Variants in NPM1 observed in about 807,000 individuals in gnomAD.
NPM1 encodes the protein nucleophosmin.
A neutral mutation model predicts 44.1 loss-of-function variants in NPM1; 1 was observed. The ratio of observed to expected loss-of-function variants is 0.02; its 90% CI spans 0.01 to 0.11. The LOEUF is 0.11. NPM1 is among the 10% of genes least tolerant of loss of function. NPM1 has a pLI of 1.00. For missense variants in NPM1, 197 were observed against 347.8 expected (o/e 0.57, Z 3.45); for synonymous variants, 126 against 111.8 (o/e 1.13, Z -0.80).
In NPM1 at chr5:171,390,126, G is replaced by A. The variant is rs1770495635; in HGVS notation, c.134G>A (p.Arg45Lys). ...NDENEHQLSL[R>K]TVSLGAGAKD... ...GAAAATGAGCACCAGTTATCTTTAA[G>A]AACGGTACTTAAACTTTCAAAATAA... Residue 45 changes from arginine (R) to lysine (K), a missense_variant, in exon 2 of 11, where the codon AGA becomes AAA. Physicochemically the swap from Arg to Lys is conservative, Grantham distance 26. This residue lies in a region of NPM1 where 43 missense variants were observed against 109.6 expected (regional missense o/e 0.39). Coordinates refer to ENST00000296930, the MANE Select transcript of NPM1 (RefSeq NM_002520.7). 8 of 1,530,356 alleles carry A rather than the reference G, an allele frequency of 5.2e-6. No individual in the cohort carries two copies. Among genetic ancestry groups the A allele is most frequent in the Non-Finnish European group, 7.1e-6 (8 of 1,128,984 alleles). 94.8% of individuals were successfully genotyped at this position (1,530,356 alleles called of 1,614,324 possible).
chr5:171,392,881 T>TTA (rs1770655350), intron 5 of NPM1, 33 bp from the exon 6 acceptor site: 3 of 1,612,910 alleles, frequency 1.9e-6, no homozygotes. Context: ...AGAACAGCTC[T>TTA]TGTTCATGAG....
At position 171,387,855 on chromosome 5, in the gene NPM1, C is replaced by G. The variant is rs377340416; in HGVS notation, c.-94C>G. 5.7e-5 allele frequency: 68 copies of G among 1,190,830 alleles called. 1 individual carries two copies. The highest frequency in any genetic ancestry group is 4.9e-4 in the East Asian group (21 of 42,532). The allele number at this position is 1,190,830 out of a possible 1,614,324, so 73.8% of individuals were successfully genotyped here. A position where few individuals can be genotyped will look rare whatever the true frequency, so the allele number is the denominator to read the frequency against. ...AGCGCGGGGAGCCTGCGTCCTTTCC[C>G]TGGTGTGATTCCGTCCTGCGCGGTT... is the stretch of plus-strand genomic sequence containing the variant. On this transcript the variant is annotated 5_prime_UTR_variant, in exon 1 of 11. Coordinates refer to ENST00000296930, the MANE Select transcript of NPM1 (RefSeq NM_002520.7).
intron 7 of NPM1, 97 bp downstream of exon 7, chr5:171,400,307 T>TGGGAGATCATGTCATACTGA: frequency 8.1e-7 from 1 of 1,234,268 alleles, no homozygotes; most frequent in South Asian, 1.3e-5. Context: ...GAAGCTGGTG[T>TGGGAGATCATGTCATACTGA]GGGAGATCAT....
At chr5:171,401,630 G>A (rs1472455899) in intron 8 of NPM1, among the ~76,000 whole-genome samples, 3 of 152,074 alleles carry the variant, frequency 2.0e-5, no homozygotes, top group Non-Finnish European at 1.5e-5. Context: ...TAGAGATGGG[G>A]TTTCACTCTA....
chr5:171,393,544 TACAA>T (rs1157133499), intron 6 of NPM1, among the ~76,000 whole-genome samples: 5 of 152,256 alleles, frequency 3.3e-5, no homozygotes, highest in Non-Finnish European at 5.9e-5. Context: ...AAACTATTGT[TACAA>T]ACAGTTAATA....
At chr5:171,388,648 C>G (rs1265175082) in intron 1 of NPM1, among the ~76,000 whole-genome samples, 1 of 152,188 alleles carries the variant, frequency 6.6e-6, no homozygotes, top group Non-Finnish European at 1.5e-5. Context: ...CGTGTTGCCA[C>G]TCGTGAGCCA....
intron 10 of NPM1, 22 bp from the exon 11 acceptor site, chr5:171,410,505 A>C (rs757229374): frequency 1.3e-6 from 2 of 1,492,584 alleles, no homozygotes; most frequent in Non-Finnish European, 9.1e-7. Flanking sequence ...CCTTAACCAC[A>C]TTTCTTTTTT....
intron 10 of NPM1, among the ~76,000 whole-genome samples, chr5:171,410,319 ATTG>A (rs1237045533): frequency 2.6e-5 from 4 of 152,226 alleles, no homozygotes; most frequent in African/African-American, 7.2e-5. Context: ...TTATTAGTAT[ATTG>A]TTCACATTTT....
chr5:171,407,537 G>A, intron 9 of NPM1, 163 bp from the exon 10 acceptor site: 1 of 631,688 alleles, frequency 1.6e-6, no homozygotes, highest in Non-Finnish European at 2.8e-6. Flanking sequence ...TGCCCAATAG[G>A]GCTTTCTGGC....
chr5:171,387,576 G>A (rs1172126661), upstream of NPM1: 5 of 263,034 alleles, frequency 1.9e-5, no homozygotes, highest in South Asian at 2.9e-4. Flanking sequence ...TTGGAGGTGG[G>A]GAGTGCGCGT....
intron 9 of NPM1, 74 bp downstream of exon 9, chr5:171,405,477 T>A (rs1269188820): frequency 1.4e-6 from 1 of 712,266 alleles, no homozygotes; most frequent in Non-Finnish European, 2.5e-6. Flanking sequence ...TAGACTTGAA[T>A]GTTTCTTGTT....
intron 6 of NPM1, among the ~76,000 whole-genome samples, chr5:171,396,657 A>G (rs1172297581): frequency 6.6e-6 from 1 of 152,174 alleles, no homozygotes; most frequent in Non-Finnish European, 1.5e-5. Context: ...CTTCTGCCTG[A>G]CTTGCCCTCC....
chr5:171,387,750 C>T (rs1244616216), upstream of NPM1: 16 of 596,334 alleles, frequency 2.7e-5, no homozygotes, highest in Non-Finnish European at 4.1e-5. Context: ...GGCTACGGTA[C>T]GGGGGTGGGA....
At chr5:171,406,482 T>C (rs1771575999) in intron 9 of NPM1, 1 of 1,604,330 alleles carries the variant, frequency 6.2e-7, no homozygotes, top group Non-Finnish European at 8.5e-7. Context: ...TAGTCCATAC[T>C]GAGTGTCATC....
Position 171,400,871 on chromosome 5 carries a change from A to C in NPM1, c.615A>C (p.Gln205His). The change falls in exon 8 of 11, where the codon CAA (glutamine) becomes CAC (histidine). Residue 205 changes from glutamine to histidine, a missense_variant. Coordinates refer to ENST00000296930, the MANE Select transcript of NPM1 (RefSeq NM_002520.7). ...GAGATACTCCAGCCAAAAATGCACA[A>C]AAGTCAAATCAGAATGGAAAAGACT... ...SIRDTPAKNA[Q>H]KSNQNGKDSK... The C allele has an allele frequency of 6.2e-7, 1 of 1,612,498 alleles. No individual in the cohort carries two copies. The highest frequency in any genetic ancestry group is 1.1e-5 in the South Asian group (1 of 90,954).
rs368568545 is a variant in NPM1, at chr5:171,400,198, G to T, written c.570G>T (p.Ala190=). Residue 190 remains alanine (A), a synonymous_variant, in exon 7 of 11, where the codon GCG becomes GCT. Transcript: ENST00000296930. ...DFDDEEAEEK[A]PVKKSIRDTP... ...ATGATGAGGAAGCTGAAGAAAAAGCGCCAGTGAAGAAAGTGAGTAGATACA... is the reference window on the plus strand; with the variant it reads ...ATGATGAGGAAGCTGAAGAAAAAGCTCCAGTGAAGAAAGTGAGTAGATACA... 2 of 1,613,206 alleles carry T rather than the reference G, an allele frequency of 1.2e-6. No individual in the cohort carries two copies. Among genetic ancestry groups the T allele is most frequent in the African/African-American group, 1.3e-5 (1 of 75,036 alleles).
At chr5:171,387,691 G>A (rs1320699668), upstream of NPM1, 3 of 537,576 alleles carry the variant, frequency 5.6e-6, no homozygotes, top group Non-Finnish European at 9.9e-6. Flanking sequence ...CTGGAAGGAG[G>A]TGGGGGCGAG....
chr5:171,392,631 A>C (rs1770637789), intron 4 of NPM1, 79 bp from the exon 5 acceptor site: 2 of 741,172 alleles, frequency 2.7e-6, no homozygotes, highest in South Asian at 4.1e-5. Context: ...CAGTTTTTAG[A>C]GTATTTACTA....
upstream of NPM1, chr5:171,387,677 G>T (rs541984711): frequency 6.7e-5 from 34 of 506,320 alleles, no homozygotes; most frequent in African/African-American, 6.7e-4. Flanking sequence ...AGCCCGCGGA[G>T]TACCTGGAAG....
Sources: gnomAD v4.1 joint callset for allele counts (sites outside exome capture counted in the v4.1 genomes callset) on GRCh38, gnomAD v4.1.1 for gene constraint, gnomAD v4.1.1 regional missense constraint, MANE v1.5 for transcripts, NCBI Gene and HGNC (gene_info 2026-07-23, HGNC 2026-07-21) for gene names.